Variants in PARD3 observed in about 807,000 individuals in gnomAD.
PARD3 encodes the protein par-3 family cell polarity regulator.
PARD3 carries 75 observed loss-of-function variants against 155.4 expected under a neutral mutation model. The observed-to-expected ratio is 0.48, with a 90% CI of 0.40 to 0.58. The LOEUF (loss-of-function observed/expected upper bound fraction) is 0.58, where lower values mean the gene tolerates loss of function less well. PARD3 is among the 20% of genes least tolerant of loss of function. The pLI is 0.00. For missense variants in PARD3, 1,642 were observed against 1,721.7 expected (o/e 0.95, Z 0.82); for synonymous variants, 576 against 610.5 (o/e 0.94, Z 0.83).
rs1232873287 is a variant in PARD3, at chr10:34,378,015, C to T, written c.1491G>A (p.Gly497=). 1.6e-5 allele frequency: 25 copies of T among 1,584,866 alleles called. No homozygotes were observed. Among genetic ancestry groups the T allele is most frequent in the Non-Finnish European group, 2.1e-5 (24 of 1,168,570 alleles). The change falls in exon 10 of 25, where the codon GGG becomes GGA. Residue 497 remains glycine (G), a synonymous_variant. Coordinates refer to ENST00000374788, the MANE Select transcript of PARD3 (RefSeq NM_001184785.2). ...TAAGTCGGCCATCCTGAATGGCCGC[C>T]CCCCGGGGGAGAATGTTTTTCACAT... ...PIYVKNILPR[G]AAIQDGRLKA...
At chr10:34,381,412 T>C (rs1342186872) in intron 9 of PARD3, among the ~76,000 whole-genome samples, 1 of 152,128 alleles carries the variant, frequency 6.6e-6, no homozygotes, top group Non-Finnish European at 1.5e-5. Flanking sequence ...TCAGCTAAAA[T>C]GGATCAGGAA....
intron 1 of PARD3, among the ~76,000 whole-genome samples, chr10:34,803,018 G>C (rs1054390416): frequency 1.4e-5 from 2 of 143,612 alleles, no homozygotes; most frequent in Non-Finnish European, 3.0e-5. Context: ...TTGAGGTCAG[G>C]AATTCAAGAC....
chr10:34,643,608 C>A (rs1053514847), intron 2 of PARD3, among the ~76,000 whole-genome samples: 1 of 152,230 alleles, frequency 6.6e-6, no homozygotes, highest in South Asian at 2.1e-4. Context: ...AACAGCATCA[C>A]TTCTCATGTA....
At chr10:34,710,103 C>T (rs10508810) in intron 1 of PARD3, among the ~76,000 whole-genome samples, 25,723 of 151,850 alleles carry the variant, frequency 0.17, 3,432 homozygotes, top group African/African-American at 0.37. Context: ...AGATACATAG[C>T]CAAGATGCAT....
At chr10:34,509,422 A>G (rs2081276000) in intron 3 of PARD3, among the ~76,000 whole-genome samples, 2 of 152,210 alleles carry the variant, frequency 1.3e-5, no homozygotes, top group South Asian at 2.1e-4. Flanking sequence ...CAGTATGTCC[A>G]TGAGGCAGTG....
chr10:34,394,223 A>C (rs1224713924), intron 7 of PARD3, among the ~76,000 whole-genome samples: 1 of 152,072 alleles, frequency 6.6e-6, no homozygotes, highest in Non-Finnish European at 1.5e-5. Flanking sequence ...ATAGGGTTTC[A>C]CCATGTTGGC....
chr10:34,775,373 G>A (rs1839408106), intron 1 of PARD3, among the ~76,000 whole-genome samples: 1 of 152,120 alleles, frequency 6.6e-6, no homozygotes, highest in Admixed American at 6.5e-5. Context: ...AGCCAGGCAT[G>A]GTGGTGTGTG....
At position 34,219,900 on chromosome 10, in the gene PARD3, G is replaced by A. The variant is rs566097026; in HGVS notation, c.3419+49757C>T. On this transcript the variant is annotated intron_variant, in intron 22 of 24. Transcript: ENST00000374788. The stretch of plus-strand genomic sequence containing the variant: ...TAAGATCTTTCCAATCAAAGGCTAG[G>A]CGACCTCAAATGGCCAGGATGGAAT... Among the ~76,000 whole-genome samples the A allele has an allele frequency of 3.9e-5, 6 of 152,208 alleles. No homozygotes were observed. In the East Asian group the frequency reaches 1.2e-3, roughly 29 times the overall value.
At chr10:34,340,633 G>C (rs1836706543) in intron 16 of PARD3, among the ~76,000 whole-genome samples, 1 of 152,158 alleles carries the variant, frequency 6.6e-6, no homozygotes, top group African/African-American at 2.4e-5. Context: ...ATAATTAACA[G>C]ATAAATGAAC....
intron 2 of PARD3, among the ~76,000 whole-genome samples, chr10:34,674,393 T>C (rs1417013178): frequency 6.6e-6 from 1 of 151,550 alleles, no homozygotes; most frequent in Non-Finnish European, 1.5e-5. Flanking sequence ...GCCTAGCGGG[T>C]AGCCCTGCTC....
intron 20 of PARD3, among the ~76,000 whole-genome samples, chr10:34,296,300 T>C (rs1016845926): frequency 7.2e-5 from 11 of 151,996 alleles, no homozygotes; most frequent in African/African-American, 2.2e-4. Context: ...GGTGCAATCA[T>C]AGCTCACTGC....
intron 2 of PARD3, among the ~76,000 whole-genome samples, chr10:34,647,347 A>G (rs1406198868): frequency 6.6e-6 from 1 of 152,136 alleles, no homozygotes; most frequent in Non-Finnish European, 1.5e-5. Context: ...TGAAGGGAGG[A>G]GCGGATGAGT....
At chr10:34,116,676 A>G (rs190227422) in intron 24 of PARD3, among the ~76,000 whole-genome samples, 2 of 152,340 alleles carry the variant, frequency 1.3e-5, no homozygotes, top group Admixed American at 6.5e-5. Context: ...ATACTGCAGA[A>G]ACCTACCAGC....
intron 22 of PARD3, among the ~76,000 whole-genome samples, chr10:34,145,231 T>A (rs1298577706): frequency 2.8e-3 from 374 of 133,120 alleles, no homozygotes; most frequent in Middle Eastern, 8.3e-3. Context: ...ATTTTTTTTT[T>A]TTTTTTTTTT....
intron 5 of PARD3, among the ~76,000 whole-genome samples, chr10:34,445,648 A>G (rs2076698199): frequency 1.3e-5 from 2 of 152,210 alleles, no homozygotes; most frequent in Non-Finnish European, 2.9e-5. Flanking sequence ...ACAAAATTAC[A>G]AAGAATATAC....
intron 22 of PARD3, among the ~76,000 whole-genome samples, chr10:34,235,458 C>T (rs1297988716): frequency 6.6e-6 from 1 of 152,182 alleles, no homozygotes; most frequent in Admixed American, 6.5e-5. Flanking sequence ...TTGCCCTTGT[C>T]GTGTTCTCTC....
rs1055219080 is a variant in PARD3 at position 34,359,083 on chromosome 10, A to C, written c.2067+64T>G. On this transcript the variant is annotated intron_variant, in intron 14 of 24. Coordinates refer to ENST00000374788, the MANE Select transcript of PARD3 (RefSeq NM_001184785.2). ...CCTGGAACCTAATACCCTTTGCCCA[A>C]AATTAGGACAGAAATGTAGTTTATT... 2.9e-6 allele frequency: 4 copies of C among 1,377,344 alleles called. No homozygotes were observed. In the African/African-American group the frequency reaches 4.3e-5, roughly 15 times the overall value. 85.3% of individuals were successfully genotyped at this position (1,377,344 alleles called of 1,614,324 possible). A position where few individuals can be genotyped will look rare whatever the true frequency, so the allele number is the denominator to read the frequency against.
At chr10:34,556,255 G>C (rs1006619819) in intron 2 of PARD3, among the ~76,000 whole-genome samples, 2 of 152,122 alleles carry the variant, frequency 1.3e-5, no homozygotes, top group Non-Finnish European at 2.9e-5. Flanking sequence ...TTCTACTAAA[G>C]CTAAATTAAT....
Position 34,299,089 on chromosome 10 carries a change from G to C in PARD3, c.3066-14844C>G, listed in dbSNP as rs143823868. On this transcript the variant is annotated intron_variant, in intron 20 of 24. Transcript: ENST00000374788. ...CCATCTTCAGATCAATACCTAACTT[G>C]TTCAGTCTTATAGTCCCCAACAACT... 3.3e-3 allele frequency among the ~76,000 whole-genome samples: 496 copies of C among 152,224 alleles called. 2 individuals carry two copies. The highest frequency in any genetic ancestry group is 0.02 in the South Asian group (94 of 4,816).
Sources: allele counts gnomAD v4.1 joint callset (sites outside exome capture counted in the v4.1 genomes callset), GRCh38; gene constraint gnomAD v4.1.1; transcripts MANE v1.5; gene names NCBI Gene and HGNC (gene_info 2026-07-23, HGNC 2026-07-21).